The following SMKR1 variants were observed in gnomAD, a reference collection of about 807,000 sequenced individuals.
The protein encoded by SMKR1 is small lysine-rich protein 1.
In SMKR1, 4 loss-of-function variants were observed where a neutral mutation model predicts 4.0. The ratio of observed to expected loss-of-function variants is 1.00; its 90% CI spans 0.49 to 2.30. SMKR1 has a LOEUF of 2.30. Ranked by LOEUF, SMKR1 falls within the 30% of genes most tolerant of loss-of-function variation. The pLI is 0.02. For synonymous variants in SMKR1, 38 were observed against 32.5 expected (o/e 1.17, Z -0.58); for missense variants, 56 against 81.8 (o/e 0.68, Z 1.22).
intron 1 of SMKR1, among the ~76,000 whole-genome samples, chr7:129,507,015 CTAATT>C (rs1422590682): frequency 3.3e-5 from 5 of 150,706 alleles, no homozygotes; most frequent in Non-Finnish European, 7.4e-5. Flanking sequence ...CCACATCTGA[CTAATT>C]TTTTTTTTTT....
In SMKR1 at chr7:129,510,800, C is replaced by CT. The variant is rs554625394; in HGVS notation, c.4-1436dup. Among the ~76,000 whole-genome samples, 864 of 145,450 alleles carry CT rather than the reference C, an allele frequency of 5.9e-3. 6 individuals are homozygous for CT. The highest frequency in any genetic ancestry group is 0.016 in the African/African-American group (631 of 39,956). ...TCACATCAGACATGGTGCTAAGTGTCTTTTTTTTTTTGCGGGGAGGCGGGG... is the reference window on the plus strand; with the variant it reads ...TCACATCAGACATGGTGCTAAGTGTCTTTTTTTTTTTTGCGGGGAGGCGGGG... On this transcript the variant is annotated intron_variant, in intron 1 of 1. Transcript: ENST00000462322.
intron 1 of SMKR1, among the ~76,000 whole-genome samples, chr7:129,507,381 C>CTT (rs1799481133): frequency 6.6e-6 from 1 of 151,884 alleles, no homozygotes. Context: ...AACTCCTGGG[C>CTT]TCAAGCGATC....
At chr7:129,507,875 T>TG (rs1452644143) in intron 1 of SMKR1, among the ~76,000 whole-genome samples, 1 of 152,228 alleles carries the variant, frequency 6.6e-6, no homozygotes, top group Non-Finnish European at 1.5e-5. Context: ...TTTCTTACTG[T>TG]GGCGTTTTGA....
intron 1 of SMKR1, among the ~76,000 whole-genome samples, chr7:129,506,040 A>G (rs146759686): frequency 1.3e-5 from 2 of 152,324 alleles, no homozygotes; most frequent in East Asian, 3.9e-4. Flanking sequence ...TATTGAACCA[A>G]TCCAAGGAAT....
At chr7:129,505,614 G>C (rs1045429013) in intron 1 of SMKR1, among the ~76,000 whole-genome samples, 3 of 151,956 alleles carry the variant, frequency 2.0e-5, no homozygotes, top group African/African-American at 7.3e-5. Context: ...GAGTAGCTGG[G>C]ATTACAGGCA....
At chr7:129,508,532 T>C (rs923452813) in intron 1 of SMKR1, among the ~76,000 whole-genome samples, 2 of 152,048 alleles carry the variant, frequency 1.3e-5, no homozygotes, top group African/African-American at 4.8e-5. Flanking sequence ...ACCTCTGCCT[T>C]CCGGGTTCAA....
At chr7:129,509,549 T>G (rs1030745410) in intron 1 of SMKR1, among the ~76,000 whole-genome samples, 4 of 142,278 alleles carry the variant, frequency 2.8e-5, no homozygotes, top group African/African-American at 1.1e-4. Context: ...ATTTCAGCAG[T>G]TTTTTTTTTT....
At chr7:129,506,975 C>T (rs888566646) in intron 1 of SMKR1, among the ~76,000 whole-genome samples, 1 of 151,258 alleles carries the variant, frequency 6.6e-6, no homozygotes, top group Non-Finnish European at 1.5e-5. Context: ...ATCCTCCCAC[C>T]TTAACTGGGA....
intron 1 of SMKR1, among the ~76,000 whole-genome samples, chr7:129,509,903 G>T (rs185446769): frequency 6.6e-6 from 1 of 152,138 alleles, no homozygotes; most frequent in Non-Finnish European, 1.5e-5. Context: ...TTTTTTGACC[G>T]CAATGCTGTG....
At position 129,511,057 on chromosome 7, in the gene SMKR1, G is replaced by A. The variant is rs548241970; in HGVS notation, c.4-1190G>A. On this transcript the variant is annotated intron_variant, in intron 1 of 1. Transcript: ENST00000462322. ...CTTCCTGACCTCAGGTGATCCACCC[G>A]CCTTGGCCTTCCCAAGTGCTGGGAT... Among the ~76,000 whole-genome samples, 21 of 152,232 alleles carry A rather than the reference G, an allele frequency of 1.4e-4. 3 individuals carry two copies. Among genetic ancestry groups the A allele is most frequent in the African/African-American group, 5.1e-4 (21 of 41,546 alleles).
In SMKR1 at chr7:129,512,382, CA is replaced by C. The variant is rs1423321606; in HGVS notation, c.140del (p.His47LeufsTer48). On this transcript the variant is annotated frameshift_variant, in exon 2 of 2. Transcript: ENST00000462322. LOFTEE classifies it high-confidence loss of function. ...CGCCCACAACGTCGCTGACTGCCTG[CA>C]TCTGCGAGGCTTCCATTGGCCGGGT... Reference protein sequence around the residue: ...YIAHNVADCLHLRGFHWPGAP... With the variant: ...YIAHNVADCLXLRGFHWPGAP... 3.3e-6 allele frequency: 5 copies of C among 1,535,908 alleles called. No homozygotes were observed. The highest frequency in any genetic ancestry group is 1.4e-5 in the African/African-American group (1 of 73,022).
chr7:129,510,297 G>T (rs1185536470), intron 1 of SMKR1, among the ~76,000 whole-genome samples: 1 of 152,192 alleles, frequency 6.6e-6, no homozygotes, highest in African/African-American at 2.4e-5. Flanking sequence ...GACCTTATGG[G>T]GTAGTCATGG....
chr7:129,507,018 AT>A (rs1272812801), intron 1 of SMKR1, among the ~76,000 whole-genome samples: 3,070 of 139,698 alleles, frequency 0.022, 74 homozygotes, highest in African/African-American at 0.068. Flanking sequence ...CATCTGACTA[AT>A]TTTTTTTTTT....
chr7:129,512,294 G>A lies in SMKR1; in HGVS notation c.51G>A (p.Lys17=). 6.5e-7 allele frequency: 1 copy of A among 1,535,188 alleles called. No individual in the cohort carries two copies. The highest frequency in any genetic ancestry group is 2.4e-5 in the East Asian group (1 of 40,826). Residue 17 remains lysine, a synonymous_variant, in exon 2 of 2, where the codon AAG becomes AAA. Transcript: ENST00000462322. ...KGKGQGKSHG[K]KQKKPEVDIL... ...AAGGCCAGGGCAAGTCTCATGGGAAGAAACAGAAGAAACCAGAAGTGGACA... is the reference window on the plus strand; with the variant it reads ...AAGGCCAGGGCAAGTCTCATGGGAAAAAACAGAAGAAACCAGAAGTGGACA...
intron 1 of SMKR1, among the ~76,000 whole-genome samples, chr7:129,510,320 C>T (rs920730251): frequency 6.6e-6 from 1 of 152,178 alleles, no homozygotes; most frequent in Non-Finnish European, 1.5e-5. Flanking sequence ...AGAGAATAGA[C>T]ACCGAGCCTG....
chr7:129,502,786 G>A lies in SMKR1; in HGVS notation c.-39G>A. 6.5e-7 allele frequency: 1 copy of A among 1,535,078 alleles called. No individual in the cohort carries two copies. ...TGGATGCTAAGGGCTTCGGGATCGGGAGAGTCCACCACGCCTGCCTGCTCG... is the reference window on the plus strand; with the variant it reads ...TGGATGCTAAGGGCTTCGGGATCGGAAGAGTCCACCACGCCTGCCTGCTCG... On this transcript the variant is annotated 5_prime_UTR_variant, in exon 1 of 2. Coordinates refer to ENST00000462322, the MANE Select transcript of SMKR1 (RefSeq NM_001195243.2).
intron 1 of SMKR1, 105 bp from the exon 2 acceptor site, chr7:129,512,142 T>C: frequency 8.7e-7 from 1 of 1,152,308 alleles, no homozygotes. Context: ...CAAGAGCATG[T>C]CACTACACTC....
chr7:129,503,829 C>CTTT (rs11404964), intron 1 of SMKR1, among the ~76,000 whole-genome samples: 18 of 126,262 alleles, frequency 1.4e-4, no homozygotes, highest in South Asian at 2.5e-4. Context: ...GAGCTATTAC[C>CTTT]TTTTTTTTTT....
At chr7:129,506,861 T>TTTC (rs1033186802) in intron 1 of SMKR1, among the ~76,000 whole-genome samples, 3 of 84,194 alleles carry the variant, frequency 3.6e-5, no homozygotes, top group African/African-American at 1.2e-4. Context: ...CTTTCTTTCT[T>TTTC]TTCTTTTTTT....
Sources: gnomAD v4.1 joint callset for allele counts (sites outside exome capture counted in the v4.1 genomes callset) on GRCh38, gnomAD v4.1.1 for gene constraint, MANE v1.5 for transcripts, NCBI Gene and HGNC (gene_info 2026-07-23, HGNC 2026-07-21) for gene names.